Variants in DNMT3B observed in about 807,000 individuals in gnomAD.
The protein encoded by DNMT3B is DNA (cytosine-5)-methyltransferase 3B.
A neutral mutation model predicts 120.2 loss-of-function variants in DNMT3B; 37 were observed. The observed-to-expected ratio is 0.31, with a 90% CI of 0.24 to 0.40. DNMT3B has a LOEUF of 0.40. Ranked by LOEUF, DNMT3B falls within the 10% of genes least tolerant of loss-of-function variation. The pLI is 1.00. For missense variants in DNMT3B, 878 were observed against 1,137.3 expected (o/e 0.77, Z 3.28); for synonymous variants, 412 against 442.8 (o/e 0.93, Z 0.87).
At position 32,798,449 on chromosome 20, in the gene DNMT3B, A is replaced by C; in HGVS notation, c.1491-11A>C. The C allele has an allele frequency of 6.2e-7, 1 of 1,614,150 alleles. No homozygotes were observed. Among genetic ancestry groups the C allele is most frequent in the Non-Finnish European group, 8.5e-7 (1 of 1,180,030 alleles). On this transcript the variant is annotated splice_polypyrimidine_tract_variant and intron_variant, in intron 14 of 22. Coordinates refer to ENST00000328111, the MANE Select transcript of DNMT3B (RefSeq NM_006892.4). ...GACAAAGGCATCCCTTCTCCCTGCCACTGGGTCCAGGTGTTTCTGTGTGGA... is the reference window on the plus strand; with the variant it reads ...GACAAAGGCATCCCTTCTCCCTGCCCCTGGGTCCAGGTGTTTCTGTGTGGA...
intron 1 of DNMT3B, among the ~76,000 whole-genome samples, chr20:32,763,207 G>A (rs1987079542): frequency 6.6e-6 from 1 of 152,242 alleles, no homozygotes; most frequent in Admixed American, 6.5e-5. Flanking sequence ...CAACTGGGAT[G>A]TGGGGTCTTC....
chr20:32,804,304 G>A (rs578171121), intron 20 of DNMT3B, among the ~76,000 whole-genome samples: 25 of 152,264 alleles, frequency 1.6e-4, no homozygotes, highest in African/African-American at 4.6e-4. Flanking sequence ...AGCACAAGGC[G>A]GGGCTGTGCA....
At chr20:32,777,066 G>A (rs1244366440) in intron 1 of DNMT3B, among the ~76,000 whole-genome samples, 1 of 152,208 alleles carries the variant, frequency 6.6e-6, no homozygotes, top group Non-Finnish European at 1.5e-5. Flanking sequence ...ACGTAGGGTC[G>A]TGATAAAAAC....
chr20:32,779,133 G>C (rs57953392), intron 1 of DNMT3B, among the ~76,000 whole-genome samples: 10,977 of 152,250 alleles, frequency 0.072, 1,252 homozygotes, highest in African/African-American at 0.24. Flanking sequence ...ACAAGGGTGT[G>C]GTGTGAGTGA....
In DNMT3B at chr20:32,795,447, A is replaced by G; in HGVS notation, c.1165A>G (p.Thr389Ala). 1.2e-6 allele frequency: 2 copies of G among 1,614,084 alleles called. No individual in the cohort carries two copies. The highest frequency in any genetic ancestry group is 1.7e-6 in the Non-Finnish European group (2 of 1,180,018). Residue 389 changes from threonine (T) to alanine (A), a missense_variant, in exon 11 of 23, where the codon ACC becomes GCC. This residue lies in a region of DNMT3B where 207 missense variants were observed against 222.6 expected (regional missense o/e 0.93). Transcript: ENST00000328111. Reference sequence around the variant, plus strand: ...AAGACGCACAGCTGACGACTCAGCCACCTCTGACTACTGCCCCGCACCCAA... The same window carrying G: ...AAGACGCACAGCTGACGACTCAGCCGCCTCTGACTACTGCCCCGCACCCAA... ...TRRRTADDSA[T>A]SDYCPAPKRL...
chr20:32,795,809 C>G, intron 12 of DNMT3B, 115 bp downstream of exon 12: 1 of 1,393,994 alleles, frequency 7.2e-7, no homozygotes, highest in East Asian at 2.3e-5. Context: ...GTTCCTTAAC[C>G]TCAGGCCAAG....
At chr20:32,770,136 A>G (rs1326681337) in intron 1 of DNMT3B, among the ~76,000 whole-genome samples, 1 of 152,068 alleles carries the variant, frequency 6.6e-6, no homozygotes, top group Non-Finnish European at 1.5e-5. Context: ...TTTTTGAGAC[A>G]GGGTCTTGCT....
rs540805648 is a variant in DNMT3B at position 32,765,705 on chromosome 20, C to T, written c.-7+3006C>T. Among the ~76,000 whole-genome samples, 132 of 148,962 alleles carry T rather than the reference C, an allele frequency of 8.9e-4. 1 individual carries two copies. The highest frequency in any genetic ancestry group is 3.2e-3 in the African/African-American group (130 of 40,448). On this transcript the variant is annotated intron_variant, in intron 1 of 22. Transcript: ENST00000328111. Reference sequence around the variant, plus strand: ...CAAAGTGTTGGGATTGTAGGCGTGGCTGTTACACCCGGCTGCTTTTTATTT... The same window carrying T: ...CAAAGTGTTGGGATTGTAGGCGTGGTTGTTACACCCGGCTGCTTTTTATTT...
intron 1 of DNMT3B, among the ~76,000 whole-genome samples, chr20:32,778,356 C>T (rs1407530964): frequency 8.5e-6 from 1 of 118,154 alleles, no homozygotes; most frequent in Non-Finnish European, 1.7e-5. Context: ...CAGAGGGAGA[C>T]TCTGTCTCAA....
intron 17 of DNMT3B, 74 bp downstream of exon 17, chr20:32,800,372 A>G: frequency 6.3e-7 from 1 of 1,599,126 alleles, no homozygotes; most frequent in Non-Finnish European, 8.6e-7. Context: ...CCTGAAACCC[A>G]CATGTAGGCC....
chr20:32,799,265 G>A lies in DNMT3B; in HGVS notation c.1696G>A (p.Ala566Thr). ...LEYEAPKLYP[A>T]IPAARRRPIR... ...GCAGGAAGCCCCCAAGCTGTACCCT[G>A]CCATTCCCGCAGCCCGAAGGCGGCC... Residue 566 changes from alanine to threonine, a missense_variant, in exon 16 of 23, where the codon GCC becomes ACC. By Grantham distance (58) the Ala-to-Thr change is moderately conservative (BLOSUM62 0). Around this residue, in one of 4 missense-constraint regions of DNMT3B, gnomAD observed 334 missense variants for 518.8 expected, o/e 0.64. Transcript: ENST00000328111. The A allele has an allele frequency of 1.9e-6, 3 of 1,613,150 alleles. No homozygotes were observed. The highest frequency in any genetic ancestry group is 2.5e-6 in the Non-Finnish European group (3 of 1,179,692).
At chr20:32,789,871 C>T (rs1225365666) in intron 7 of DNMT3B, among the ~76,000 whole-genome samples, 2 of 152,202 alleles carry the variant, frequency 1.3e-5, no homozygotes, top group Admixed American at 6.5e-5. Flanking sequence ...GGATTACAGG[C>T]GGGAGCCACC....
At chr20:32,797,131 C>T (rs1297952811) in intron 13 of DNMT3B, 56 bp from the exon 14 acceptor site, 1 of 1,608,198 alleles carries the variant, frequency 6.2e-7, no homozygotes, top group Admixed American at 1.7e-5. Context: ...AGCAAGCCGG[C>T]AGGGCCTGCC....
At chr20:32,803,122 T>C (rs1166739508) in intron 20 of DNMT3B, among the ~76,000 whole-genome samples, 5 of 152,196 alleles carry the variant, frequency 3.3e-5, no homozygotes, top group African/African-American at 1.2e-4. Flanking sequence ...CAGATTCTCA[T>C]CACCAGGAGC....
At chr20:32,796,255 C>G (rs1191504887) in intron 12 of DNMT3B, among the ~76,000 whole-genome samples, 7 of 152,180 alleles carry the variant, frequency 4.6e-5, no homozygotes, top group Non-Finnish European at 2.9e-5. Flanking sequence ...GACTCACTCC[C>G]CCATCTGGCT....
In DNMT3B at chr20:32,798,631, G is replaced by A. The variant is rs767365539; in HGVS notation, c.1662G>A (p.Thr554=). The change falls in exon 15 of 23, where the codon ACG becomes ACA. Residue 554 remains threonine, a synonymous_variant. Transcript: ENST00000328111. ...TGCAGGCCTTCTTCACCAGTGACACGGGGCTTGAATATGTAAGCCACAGGC... is the reference window on the plus strand; with the variant it reads ...TGCAGGCCTTCTTCACCAGTGACACAGGGCTTGAATATGTAAGCCACAGGC... ...VRLQAFFTSD[T]GLEYEAPKLY... The A allele has an allele frequency of 2.4e-5, 39 of 1,613,804 alleles. No individual in the cohort carries two copies. The highest frequency in any genetic ancestry group is 2.7e-5 in the African/African-American group (2 of 74,958).
chr20:32,774,546 A>C (rs1298843587), intron 1 of DNMT3B, among the ~76,000 whole-genome samples: 3 of 131,814 alleles, frequency 2.3e-5, no homozygotes, highest in Non-Finnish European at 4.8e-5. Context: ...CAAGAAGTAC[A>C]TGTGCTTGTT....
chr20:32,775,024 AT>A (rs899161454), intron 1 of DNMT3B, among the ~76,000 whole-genome samples: 3 of 151,504 alleles, frequency 2.0e-5, no homozygotes, highest in Non-Finnish European at 2.9e-5. Context: ...GCCTGGCCTA[AT>A]TTTTTTATTT....
chr20:32,797,318 G>C lies in DNMT3B; in HGVS notation c.1490+19G>C. 6.2e-7 allele frequency: 1 copy of C among 1,612,020 alleles called. No individual in the cohort carries two copies. Among genetic ancestry groups the C allele is most frequent in the Non-Finnish European group, 8.5e-7 (1 of 1,178,546 alleles). The stretch of plus-strand genomic sequence containing the variant: ...GCTGCCGGTGAGCACTGGGCCCTGT[G>C]GGGTGGATGTGGGTGGGCCCCCAAG... On this transcript the variant is annotated intron_variant, in intron 14 of 22. Transcript: ENST00000328111.
Sources: allele counts gnomAD v4.1 joint callset (sites outside exome capture counted in the v4.1 genomes callset), GRCh38; gene constraint gnomAD v4.1.1; regional missense constraint gnomAD v4.1.1; transcripts MANE v1.5; gene names NCBI Gene and HGNC (gene_info 2026-07-23, HGNC 2026-07-21).